Variants in ZNF577 observed in about 807,000 individuals in gnomAD.
ZNF577 encodes the protein zinc finger protein 577.
ZNF577 carries 14 observed loss-of-function variants against 13.9 expected under a neutral mutation model. The observed-to-expected ratio is 1.00, with a 90% confidence interval of 0.66 to 1.57. The LOEUF is 1.57. Ranked by LOEUF, ZNF577 falls within the 40% of genes most tolerant of loss-of-function variation. The pLI, the probability that ZNF577 is intolerant of heterozygous loss-of-function variation, is 0.00. For synonymous variants in ZNF577, 203 were observed against 202.9 expected (o/e 1.00, Z 0.00); for missense variants, 555 against 579.2 (o/e 0.96, Z 0.43).
chr19:51,829,765 T>C (rs10500310), intron 9 of ZNF577, among the ~76,000 whole-genome samples: 14,388 of 152,206 alleles, frequency 0.095, 963 homozygotes, highest in Middle Eastern at 0.16. Context: ...ACCTGTAATA[T>C]GGCAACTGCA....
intron 5 of ZNF577, among the ~76,000 whole-genome samples, chr19:51,857,422 GAAA>G: frequency 9.2e-6 from 1 of 108,768 alleles, no homozygotes. Flanking sequence ...AAGAAAGAAA[GAAA>G]GAAAAGAAAA....
chr19:51,864,061 G>A (rs1361874734), downstream of ZNF577, among the ~76,000 whole-genome samples: 1 of 152,184 alleles, frequency 6.6e-6, no homozygotes, highest in Non-Finnish European at 1.5e-5. Flanking sequence ...GACATGTCCT[G>A]ATTTCCAATT....
At position 51,824,278 on chromosome 19, in the gene ZNF577, T is replaced by C. The variant is rs774185095; in HGVS notation, c.*600-12604A>G. On this transcript the variant is annotated intron_variant and NMD_transcript_variant, in intron 9 of 10. Coordinates refer to the ZNF577 transcript ENST00000638827. This position sits in a 1 kb window ranked among gnomAD's most constrained non-coding sequence, Gnocchi z 4.7. ...ACTACGAATGGGGACACATACTGTA[T>C]TTTCAACTTTGCATTCTGGGGTGAC... The C allele has an allele frequency of 6.2e-7, 1 of 1,614,180 alleles. No individual in the cohort carries two copies. Among genetic ancestry groups the C allele is most frequent in the East Asian group, 2.2e-5 (1 of 44,878 alleles).
chr19:51,876,393 G>A (rs3888176), intron 5 of ZNF577, among the ~76,000 whole-genome samples: 23,441 of 151,654 alleles, frequency 0.15, 3,802 homozygotes, highest in African/African-American at 0.4. Context: ...CTCCAGCAGG[G>A]GCCAGAGAGC....
chr19:51,823,771 C>T (rs1249255339), intron 9 of ZNF577: 1 of 1,599,058 alleles, frequency 6.3e-7, no homozygotes, highest in African/African-American at 1.3e-5. Flanking sequence ...TTCTCCATTC[C>T]TCTGAATGAA....
intron 10 of ZNF577, among the ~76,000 whole-genome samples, chr19:51,805,796 G>A (rs558528935): frequency 4.1e-4 from 63 of 152,240 alleles, no homozygotes; most frequent in Middle Eastern, 6.8e-3. Flanking sequence ...CCAAGGAAAC[G>A]ATAGCAAAAA....
At chr19:51,880,427 T>C in intron 2 of ZNF577, 26 bp from the exon 3 acceptor site, 1 of 1,609,770 alleles carries the variant, frequency 6.2e-7, no homozygotes, top group Non-Finnish European at 8.5e-7. Flanking sequence ...AGACACAGTT[T>C]AAAGCAGAGA....
chr19:51,839,563 G>A (rs920072981), intron 9 of ZNF577, among the ~76,000 whole-genome samples: 1 of 152,116 alleles, frequency 6.6e-6, no homozygotes, highest in African/African-American at 2.4e-5. Flanking sequence ...AGTATGAAAT[G>A]TTGGGAAATA....
chr19:51,832,726 G>A (rs2084266895), intron 9 of ZNF577, among the ~76,000 whole-genome samples: 2 of 152,068 alleles, frequency 1.3e-5, no homozygotes, highest in African/African-American at 4.8e-5. Flanking sequence ...AGAATGTGAG[G>A]CTTAGGTTGA....
intron 10 of ZNF577, among the ~76,000 whole-genome samples, chr19:51,810,164 T>C (rs2084086780): frequency 6.6e-6 from 1 of 152,190 alleles, no homozygotes; most frequent in Non-Finnish European, 1.5e-5. Flanking sequence ...CCTTTTAGAT[T>C]TGTCAACTGC....
intron 9 of ZNF577, chr19:51,825,978 G>T: frequency 6.0e-6 from 1 of 167,030 alleles, no homozygotes. Context: ...TTTAAAGTCA[G>T]ACTGTTGAAG....
intron 9 of ZNF577, among the ~76,000 whole-genome samples, chr19:51,818,535 T>C (rs1366048033): frequency 6.6e-6 from 1 of 152,188 alleles, no homozygotes; most frequent in Admixed American, 6.5e-5. Flanking sequence ...TCTGGTGACA[T>C]AGGCTGGACC....
At chr19:51,855,478 A>G (rs1366291205) in intron 5 of ZNF577, among the ~76,000 whole-genome samples, 1 of 151,700 alleles carries the variant, frequency 6.6e-6, no homozygotes, top group Non-Finnish European at 1.5e-5. Context: ...GGGCTTCAAG[A>G]TCAGCTAGAA....
chr19:51,876,658 T>A (rs544087239), intron 5 of ZNF577, among the ~76,000 whole-genome samples: 1 of 152,206 alleles, frequency 6.6e-6, no homozygotes, highest in South Asian at 2.1e-4. Context: ...CCAGGCGCAG[T>A]GGCTCATGCC....
At chr19:51,878,657 T>A in intron 3 of ZNF577, 142 bp from the exon 4 acceptor site, 2 of 1,013,458 alleles carry the variant, frequency 2.0e-6, no homozygotes, top group Non-Finnish European at 2.8e-6. Flanking sequence ...ACCATGGAAT[T>A]CCACCAATTC....
chr19:51,880,640 T>C (rs544223035), intron 2 of ZNF577, 39 bp downstream of exon 2: 45 of 505,768 alleles, frequency 8.9e-5, no homozygotes, highest in South Asian at 1.7e-4. Context: ...CACAGACCCA[T>C]TGGGAAACAA....
chr19:51,816,129 GA>G (rs1053416760), intron 9 of ZNF577, among the ~76,000 whole-genome samples: 2 of 151,838 alleles, frequency 1.3e-5, no homozygotes, highest in African/African-American at 4.8e-5. Flanking sequence ...TGAACACAAA[GA>G]GGTGCCGGAA....
Position 51,873,411 on chromosome 19 carries a change from T to C in ZNF577, c.579A>G (p.Lys193=). 1.2e-6 allele frequency: 2 copies of C among 1,614,200 alleles called. No homozygotes were observed. Among genetic ancestry groups the C allele is most frequent in the Non-Finnish European group, 1.7e-6 (2 of 1,180,038 alleles). Residue 193 remains lysine (K), a synonymous_variant, in exon 6 of 6, where the codon AAA becomes AAG. Transcript: ENST00000638348. ...TGAGCTGAATCTTCCTCATGAATGT[T>C]TTCCCACATTCACCACATCCATGGG... ...EKPHGCGECG[K]TFMRKIQLTE... is the part of the protein sequence containing the mutation.
chr19:51,814,499 G>C (rs1568430405), intron 9 of ZNF577, among the ~76,000 whole-genome samples: 1 of 141,972 alleles, frequency 7.0e-6, no homozygotes. Context: ...TGTTTGTTTT[G>C]TTTTTTTGTT....
Sources: allele counts gnomAD v4.1 joint callset (sites outside exome capture counted in the v4.1 genomes callset), GRCh38; gene constraint gnomAD v4.1.1; non-coding constraint Gnocchi (gnomAD v3.1); transcripts MANE v1.5; gene names NCBI Gene and HGNC (gene_info 2026-07-23, HGNC 2026-07-21).